Variants in EPHB2 observed in about 807,000 individuals in gnomAD.
EPHB2 encodes EPH receptor B2, also known as ephrin type-B receptor 2.
In EPHB2, 18 loss-of-function variants were observed where a neutral mutation model predicts 96.4. The ratio of observed to expected loss-of-function variants is 0.19; its 90% CI spans 0.13 to 0.28. The LOEUF is 0.28. Ranked by LOEUF, EPHB2 falls within the 10% of genes least tolerant of loss-of-function variation. The pLI, the probability that EPHB2 is intolerant of heterozygous loss-of-function variation, is 1.00. For missense variants in EPHB2, 989 were observed against 1,355.4 expected (o/e 0.73, Z 4.25); for synonymous variants, 506 against 534.1 (o/e 0.95, Z 0.72).
At position 22,917,898 on chromosome 1, in the gene EPHB2, G is replaced by T. The variant is rs1218789914; in HGVS notation, c.*4328G>T. 2 of 152,218 alleles carry T rather than the reference G, an allele frequency of 1.3e-5. No individual in the cohort carries two copies. The highest frequency in any genetic ancestry group is 2.9e-5 in the Non-Finnish European group (2 of 68,072). The allele number at this position is 152,218 out of a possible 1,614,324, so 9.4% of individuals were successfully genotyped here. ...AGAGGCTGTCTTGAAAATGACAGAG[G>T]TCAAAAGAAAGGTCACTCCAAGACG... On this transcript the variant is annotated 3_prime_UTR_variant, in exon 16 of 16. Transcript: ENST00000374630.
At chr1:22,734,161 G>A (rs1643775495) in intron 1 of EPHB2, among the ~76,000 whole-genome samples, 1 of 152,172 alleles carries the variant, frequency 6.6e-6, no homozygotes, top group South Asian at 2.1e-4. Context: ...GGGCTTTGGA[G>A]CAGCTGCCTC....
At chr1:22,746,603 A>G (rs1643978093) in intron 1 of EPHB2, among the ~76,000 whole-genome samples, 1 of 152,186 alleles carries the variant, frequency 6.6e-6, no homozygotes, top group African/African-American at 2.4e-5. Flanking sequence ...GCCTTTTGCA[A>G]AGAATAACAA....
At chr1:22,823,421 G>C (rs1461195143) in intron 3 of EPHB2, among the ~76,000 whole-genome samples, 1 of 152,166 alleles carries the variant, frequency 6.6e-6, no homozygotes, top group African/African-American at 2.4e-5. Context: ...CTAATGTGTG[G>C]ATGGCCTTTA....
chr1:22,848,368 G>A (rs1322643736), intron 3 of EPHB2, among the ~76,000 whole-genome samples: 1 of 152,166 alleles, frequency 6.6e-6, no homozygotes, highest in African/African-American at 2.4e-5. Context: ...AAAACAAGCT[G>A]GAGGCCTGAG....
chr1:22,822,701 A>G (rs149832204), intron 3 of EPHB2, among the ~76,000 whole-genome samples: 1 of 152,242 alleles, frequency 6.6e-6, no homozygotes, highest in Non-Finnish European at 1.5e-5. Flanking sequence ...GTCCTGGGTC[A>G]GGACATGCAC....
In EPHB2 at chr1:22,748,252, A is replaced by G. The variant is rs77064587; in HGVS notation, c.62-33169A>G. 6.4e-3 allele frequency among the ~76,000 whole-genome samples: 967 copies of G among 152,222 alleles called. 9 individuals carry two copies. The highest frequency in any genetic ancestry group is 0.043 in the East Asian group (224 of 5,176). On this transcript the variant is annotated intron_variant, in intron 1 of 15. Transcript: ENST00000374630. ...TGGCTGTTATTCTTAATATTCCTTC[A>G]TCATACCCTGCCAACTTGCTTCCTG...
chr1:22,788,300 C>G lies in EPHB2; in HGVS notation c.811+3224C>G, dbSNP rs538920464. ...CAGCCCTGGCTCCCTTCCAGGCTCC[C>G]TTCCACTCTCATCTTCCCCTGGACC... On this transcript the variant is annotated intron_variant, in intron 3 of 15. Coordinates refer to ENST00000374630, the MANE Select transcript of EPHB2 (RefSeq NM_017449.5). 2.8e-3 allele frequency among the ~76,000 whole-genome samples: 422 copies of G among 152,304 alleles called. 2 individuals are homozygous for G. Among genetic ancestry groups the G allele is most frequent in the Non-Finnish European group, 4.9e-3 (335 of 68,030 alleles).
chr1:22,798,056 G>A (rs775544049), intron 3 of EPHB2, among the ~76,000 whole-genome samples: 7 of 152,196 alleles, frequency 4.6e-5, no homozygotes, highest in African/African-American at 7.2e-5. Context: ...CCAACTGCCT[G>A]TCTTTCCCAG....
At chr1:22,888,103 A>G (rs1223208593) in intron 6 of EPHB2, among the ~76,000 whole-genome samples, 1 of 152,100 alleles carries the variant, frequency 6.6e-6, no homozygotes, top group African/African-American at 2.4e-5. Context: ...CTGGAGTGTC[A>G]TGACGCAAGC....
chr1:22,794,406 C>T (rs1188469433), intron 3 of EPHB2, among the ~76,000 whole-genome samples: 1 of 152,102 alleles, frequency 6.6e-6, no homozygotes, highest in Non-Finnish European at 1.5e-5. Context: ...CCCTGGCTGA[C>T]CTCTGGCCAG....
At position 22,916,888 on chromosome 1, in the gene EPHB2, C is replaced by T. The variant is rs986296032; in HGVS notation, c.*3318C>T. 6.6e-6 allele frequency: 1 copy of T among 152,280 alleles called. No individual in the cohort carries two copies. Among genetic ancestry groups the T allele is most frequent in the African/African-American group, 2.4e-5 (1 of 41,428 alleles). 9.4% of individuals were successfully genotyped at this position (152,280 alleles called of 1,614,324 possible). A position where few individuals can be genotyped will look rare whatever the true frequency, so the allele number is the denominator to read the frequency against. ...AGAGCCATGCTACCCACCCGCACCCCTACTGCTACGAAGCCCCCAGAATGG... is the reference window on the plus strand; with the variant it reads ...AGAGCCATGCTACCCACCCGCACCCTTACTGCTACGAAGCCCCCAGAATGG... On this transcript the variant is annotated 3_prime_UTR_variant, in exon 16 of 16. Coordinates refer to ENST00000374630, the MANE Select transcript of EPHB2 (RefSeq NM_017449.5). The surrounding 1 kb of genome is among the most constrained non-coding windows in gnomAD (Gnocchi z 4.2).
At chr1:22,716,998 C>A (rs1643311141) in intron 1 of EPHB2, among the ~76,000 whole-genome samples, 1 of 152,222 alleles carries the variant, frequency 6.6e-6, no homozygotes, top group Non-Finnish European at 1.5e-5. Context: ...GTATTTTTAA[C>A]ATACTCTCCA....
At chr1:22,754,192 C>T (rs555321072) in intron 1 of EPHB2, among the ~76,000 whole-genome samples, 2 of 23,176 alleles carry the variant, frequency 8.6e-5, no homozygotes, top group African/African-American at 1.1e-4. Context: ...GCAGAAATGT[C>T]CCCAAACCAA....
In EPHB2 at chr1:22,875,612, C is replaced by T. The variant is rs541719395; in HGVS notation, c.1304-6747C>T. Among the ~76,000 whole-genome samples the T allele has an allele frequency of 6.6e-5, 10 of 152,226 alleles. No individual in the cohort carries two copies. The highest frequency in any genetic ancestry group is 2.4e-4 in the African/African-American group (10 of 41,544). ...GTCCCCGCTTTTCCCTTTCTCCCTT[C>T]CTTCCTCCTTCCTTCCTCACTTTCT... On this transcript the variant is annotated intron_variant, in intron 5 of 15. Transcript: ENST00000374630. This position sits in a 1 kb window ranked among gnomAD's most constrained non-coding sequence, Gnocchi z 4.2.
intron 1 of EPHB2, among the ~76,000 whole-genome samples, chr1:22,743,220 G>A (rs1357642414): frequency 6.6e-6 from 1 of 152,108 alleles, no homozygotes; most frequent in Admixed American, 6.5e-5. Flanking sequence ...TGCCAACTCT[G>A]TACTAGGCAT....
At chr1:22,809,579 A>G (rs1396194500) in intron 3 of EPHB2, among the ~76,000 whole-genome samples, 1 of 152,238 alleles carries the variant, frequency 6.6e-6, no homozygotes, top group Non-Finnish European at 1.5e-5. Flanking sequence ...CAAGGTAGAC[A>G]TCATTATCCC....
In EPHB2 at chr1:22,858,168, C is replaced by T. The variant is rs528187140; in HGVS notation, c.812-4869C>T. Among the ~76,000 whole-genome samples the T allele has an allele frequency of 5.9e-5, 9 of 152,020 alleles. No homozygotes were observed. Among genetic ancestry groups the T allele is most frequent in the Non-Finnish European group, 8.8e-5 (6 of 68,004 alleles). Reference sequence around the variant, plus strand: ...CTTCCGGGCAGAGGGAACAGCTTGGCCAAAGGCCTGGAGGTGAGAGCGCAT... The same window carrying T: ...CTTCCGGGCAGAGGGAACAGCTTGGTCAAAGGCCTGGAGGTGAGAGCGCAT... On this transcript the variant is annotated intron_variant, in intron 3 of 15. Coordinates refer to ENST00000374630, the MANE Select transcript of EPHB2 (RefSeq NM_017449.5). This position sits in a 1 kb window ranked among gnomAD's most constrained non-coding sequence, Gnocchi z 7.7.
intron 1 of EPHB2, among the ~76,000 whole-genome samples, chr1:22,726,860 G>A (rs1643592930): frequency 6.6e-6 from 1 of 152,234 alleles, no homozygotes; most frequent in Non-Finnish European, 1.5e-5. Flanking sequence ...AAGTCCTCCA[G>A]CCTGTGCCGT....
intron 3 of EPHB2, among the ~76,000 whole-genome samples, chr1:22,844,865 G>C (rs1326760441): frequency 6.6e-6 from 1 of 152,226 alleles, no homozygotes; most frequent in African/African-American, 2.4e-5. Context: ...GCCTGCAGCT[G>C]AAGGCCTTTG....
Sources: allele counts gnomAD v4.1 joint callset (sites outside exome capture counted in the v4.1 genomes callset), GRCh38; gene constraint gnomAD v4.1.1; non-coding constraint Gnocchi (gnomAD v3.1); transcripts MANE v1.5; gene names NCBI Gene and HGNC (gene_info 2026-07-23, HGNC 2026-07-21).